The following MTHFD1L variants were observed in gnomAD, a reference collection of about 807,000 sequenced individuals.
MTHFD1L encodes the protein methylenetetrahydrofolate dehydrogenase (NADP+ dependent) 1 like, also known as monofunctional C1-tetrahydrofolate synthase, mitochondrial.
Under a neutral mutation model 119.5 loss-of-function variants are expected in MTHFD1L, and 81 were observed. That is an observed-to-expected ratio of 0.68 (90% CI 0.57 to 0.82). The LOEUF (loss-of-function observed/expected upper bound fraction) is 0.82, where lower values mean the gene tolerates loss of function less well. Among genes scored for constraint, MTHFD1L ranks in the 40% least tolerant of loss-of-function variants. The probability of loss-of-function intolerance (pLI) is 0.00; values close to 1 mark genes in which losing one functional copy is unlikely to be tolerated. For synonymous variants in MTHFD1L, 430 were observed against 475.2 expected (o/e 0.90, Z 1.24); for missense variants, 1,125 against 1,253.4 (o/e 0.90, Z 1.55).
chr6:151,038,719 A>G (rs1320989942), intron 26 of MTHFD1L, among the ~76,000 whole-genome samples: 2 of 152,166 alleles, frequency 1.3e-5, no homozygotes, highest in Admixed American at 6.5e-5. Flanking sequence ...GCCAGAGGCA[A>G]TCAAGGTCCG....
At chr6:151,054,393 A>G (rs1789559449) in intron 26 of MTHFD1L, among the ~76,000 whole-genome samples, 1 of 152,160 alleles carries the variant, frequency 6.6e-6, no homozygotes, top group Admixed American at 6.5e-5. Context: ...TTGAAAAAAC[A>G]CGCGTCCATA....
intron 24 of MTHFD1L, among the ~76,000 whole-genome samples, chr6:151,025,348 A>G (rs553404958): frequency 6.6e-6 from 1 of 152,224 alleles, no homozygotes; most frequent in Non-Finnish European, 1.5e-5. Context: ...GTTCTCAGTA[A>G]CAAGGGCAGA....
intron 21 of MTHFD1L, among the ~76,000 whole-genome samples, chr6:151,011,047 G>A (rs1259272342): frequency 6.6e-6 from 1 of 152,166 alleles, no homozygotes; most frequent in African/African-American, 2.4e-5. Context: ...GCAGAGAGCC[G>A]AGAACTTCAG....
chr6:150,899,355 G>A (rs1364173955), intron 7 of MTHFD1L, among the ~76,000 whole-genome samples: 2 of 152,166 alleles, frequency 1.3e-5, no homozygotes, highest in Non-Finnish European at 2.9e-5. Flanking sequence ...ACAGATGAGA[G>A]TAGAAATAAA....
chr6:150,871,495 CTTTTTTT>C (rs149449398), intron 1 of MTHFD1L, among the ~76,000 whole-genome samples: 2 of 102,086 alleles, frequency 2.0e-5, no homozygotes, highest in Admixed American at 2.3e-4. Flanking sequence ...CTACTGTAAT[CTTTTTTT>C]TTTTTTTTTT....
At chr6:150,939,433 C>T (rs138034605) in intron 13 of MTHFD1L, 1 of 152,284 alleles carries the variant, frequency 6.6e-6, no homozygotes, top group Non-Finnish European at 1.5e-5. Context: ...CACATAACCT[C>T]TTTGTTGCCT....
chr6:150,903,746 T>C (rs1320298311), intron 7 of MTHFD1L, among the ~76,000 whole-genome samples: 2 of 152,208 alleles, frequency 1.3e-5, no homozygotes, highest in Non-Finnish European at 2.9e-5. Context: ...GCAAAGGTTT[T>C]AGTAGGGCTT....
At chr6:150,948,646 T>G (rs1024977487) in intron 15 of MTHFD1L, among the ~76,000 whole-genome samples, 1 of 136,582 alleles carries the variant, frequency 7.3e-6, no homozygotes, top group African/African-American at 2.5e-5. Context: ...TTTTTTGTTT[T>G]GTTTTGTTTT....
intron 17 of MTHFD1L, among the ~76,000 whole-genome samples, chr6:150,959,494 C>T (rs542533320): frequency 2.0e-5 from 3 of 152,184 alleles, no homozygotes; most frequent in Admixed American, 6.5e-5. Context: ...GGAGCCACAG[C>T]CAAGAGATGG....
At chr6:151,075,495 A>AG (rs968937916) in intron 26 of MTHFD1L, among the ~76,000 whole-genome samples, 1 of 151,844 alleles carries the variant, frequency 6.6e-6, no homozygotes, top group Non-Finnish European at 1.5e-5. Flanking sequence ...ACATAAATGA[A>AG]GAAAAAAAAA....
intron 20 of MTHFD1L, among the ~76,000 whole-genome samples, chr6:151,008,813 C>A (rs1370676785): frequency 6.6e-6 from 1 of 152,044 alleles, no homozygotes; most frequent in Non-Finnish European, 1.5e-5. Context: ...ATAAATTATT[C>A]TTAATATAAA....
chr6:150,884,213 C>A (rs1781843185), intron 5 of MTHFD1L, among the ~76,000 whole-genome samples: 1 of 150,434 alleles, frequency 6.6e-6, no homozygotes, highest in African/African-American at 2.5e-5. Context: ...ACGATCTCGG[C>A]TCACTGCAAG....
At chr6:151,029,159 A>G (rs1401503943) in intron 24 of MTHFD1L, among the ~76,000 whole-genome samples, 2 of 148,828 alleles carry the variant, frequency 1.3e-5, no homozygotes, top group South Asian at 2.2e-4. Context: ...AGTGGCTCAC[A>G]CCTGAAATCC....
chr6:150,955,083 C>T (rs1196065352), intron 16 of MTHFD1L, among the ~76,000 whole-genome samples: 1 of 151,796 alleles, frequency 6.6e-6, no homozygotes, highest in Non-Finnish European at 1.5e-5. Context: ...CAATTCATGG[C>T]ATTAAATACA....
chr6:151,074,697 G>T (rs1792322813), intron 26 of MTHFD1L, among the ~76,000 whole-genome samples: 1 of 152,142 alleles, frequency 6.6e-6, no homozygotes, highest in African/African-American at 2.4e-5. Context: ...CCTTTCTATT[G>T]TATGTTTGCA....
chr6:150,946,270 C>T (rs962077776), intron 15 of MTHFD1L, among the ~76,000 whole-genome samples: 24 of 152,190 alleles, frequency 1.6e-4, no homozygotes, highest in African/African-American at 5.8e-4. Context: ...CTGCCTCAGC[C>T]TCCCAAGTAG....
In MTHFD1L at chr6:150,958,101, A is replaced by G. The variant is rs79683954; in HGVS notation, c.1803+2030A>G. On this transcript the variant is annotated intron_variant, in intron 17 of 27. Coordinates refer to ENST00000367321, the MANE Select transcript of MTHFD1L (RefSeq NM_015440.5). ...CTGATTTGCAAATGAGGAAATTGGG[A>G]TGTTATGTTAAAAAAACTTGCCCAA... 3.4e-3 allele frequency among the ~76,000 whole-genome samples: 512 copies of G among 152,252 alleles called. 5 individuals carry two copies. The highest frequency in any genetic ancestry group is 0.012 in the African/African-American group (485 of 41,564).
intron 20 of MTHFD1L, among the ~76,000 whole-genome samples, chr6:151,001,996 A>T (rs376709139): frequency 5.9e-5 from 9 of 152,216 alleles, no homozygotes; most frequent in African/African-American, 2.2e-4. Context: ...ATACTTTGGT[A>T]ATCACAGCAG....
At chr6:150,879,396 T>TC in intron 4 of MTHFD1L, among the ~76,000 whole-genome samples, 1 of 152,048 alleles carries the variant, frequency 6.6e-6, no homozygotes, top group East Asian at 1.9e-4. Context: ...CAAGTCATTC[T>TC]CCTGCCTCAG....
Sources: gnomAD v4.1 joint callset for allele counts (sites outside exome capture counted in the v4.1 genomes callset) on GRCh38, gnomAD v4.1.1 for gene constraint, MANE v1.5 for transcripts, NCBI Gene and HGNC (gene_info 2026-07-23, HGNC 2026-07-21) for gene names.